Variants in SNX24 observed in about 807,000 individuals in gnomAD.
SNX24 encodes the protein sorting nexin-24.
A neutral mutation model predicts 28.7 loss-of-function variants in SNX24; 22 were observed. That is an observed-to-expected ratio of 0.77 (90% CI 0.55 to 1.10). SNX24 has a LOEUF of 1.10. Among genes scored for constraint, SNX24 ranks in the 50% least tolerant of loss-of-function variants. SNX24 has a pLI of 0.00. For synonymous variants in SNX24, 69 were observed against 71.5 expected (o/e 0.96, Z 0.18); for missense variants, 221 against 201.1 (o/e 1.10, Z -0.60).
At chr5:122,937,714 C>T (rs1759238070) in intron 2 of SNX24, among the ~76,000 whole-genome samples, 1 of 152,040 alleles carries the variant, frequency 6.6e-6, no homozygotes, top group Non-Finnish European at 1.5e-5. Context: ...AGGGATAATC[C>T]ACATCTAGTT....
In SNX24 at chr5:123,008,942, TAGTA is replaced by T; in HGVS notation, c.*1197_*1200del. 1.0e-6 allele frequency: 1 copy of T among 985,572 alleles called. No individual in the cohort carries two copies. The highest frequency in any genetic ancestry group is 1.2e-6 in the Non-Finnish European group (1 of 829,626). The allele number at this position is 985,572 out of a possible 1,614,324, so 61.1% of individuals were successfully genotyped here. A position where few individuals can be genotyped will look rare whatever the true frequency, so the allele number is the denominator to read the frequency against. On this transcript the variant is annotated 3_prime_UTR_variant, in exon 7 of 7. Transcript: ENST00000261369. ...CTAGCCTATTTATGGTTATTCGTTT[TAGTA>T]AGTTCTGTGGGAGCAAGGTATTTAA...
At chr5:122,850,300 G>A (rs1487214462) in intron 1 of SNX24, among the ~76,000 whole-genome samples, 1 of 152,108 alleles carries the variant, frequency 6.6e-6, no homozygotes, top group Non-Finnish European at 1.5e-5. Flanking sequence ...TGTAGAAGTG[G>A]CAAAGATCTC....
At chr5:122,997,001 A>G (rs959221637) in intron 3 of SNX24, among the ~76,000 whole-genome samples, 1 of 152,198 alleles carries the variant, frequency 6.6e-6, no homozygotes, top group Non-Finnish European at 1.5e-5. Flanking sequence ...GAAGTTGTAA[A>G]TGGAACAGTT....
chr5:122,857,049 T>C (rs1416706291), intron 1 of SNX24, among the ~76,000 whole-genome samples: 1 of 152,034 alleles, frequency 6.6e-6, no homozygotes, highest in African/African-American at 2.4e-5. Context: ...TTCGCTCTTA[T>C]TGCCCAGGCT....
chr5:122,938,125 A>G (rs906524086), intron 2 of SNX24, among the ~76,000 whole-genome samples: 3 of 152,230 alleles, frequency 2.0e-5, no homozygotes, highest in African/African-American at 7.2e-5. Context: ...CCGGATACTC[A>G]GGAACCAGCT....
At chr5:122,918,137 G>A (rs944031899) in intron 1 of SNX24, among the ~76,000 whole-genome samples, 4 of 152,150 alleles carry the variant, frequency 2.6e-5, no homozygotes, top group Admixed American at 2.6e-4. Flanking sequence ...GGCTGGGCCT[G>A]GTGGCTCCCA....
At chr5:122,970,487 G>C (rs1760910879) in intron 3 of SNX24, among the ~76,000 whole-genome samples, 1 of 151,502 alleles carries the variant, frequency 6.6e-6, no homozygotes, top group Non-Finnish European at 1.5e-5. Flanking sequence ...TCTTTTTTTT[G>C]AGACGGAGTC....
At chr5:122,998,976 C>T (rs1458183569) in intron 3 of SNX24, among the ~76,000 whole-genome samples, 1 of 151,886 alleles carries the variant, frequency 6.6e-6, no homozygotes, top group Non-Finnish European at 1.5e-5. Flanking sequence ...TGAAAAATGA[C>T]CCTTAAGAAT....
chr5:122,913,417 A>G (rs1164845608), intron 1 of SNX24, among the ~76,000 whole-genome samples: 7 of 148,240 alleles, frequency 4.7e-5, no homozygotes, highest in African/African-American at 1.8e-4. Flanking sequence ...TCCCTCCCGG[A>G]CGGGGCGGCT....
chr5:122,955,860 C>T (rs550382654), intron 3 of SNX24, among the ~76,000 whole-genome samples: 15 of 152,290 alleles, frequency 9.8e-5, no homozygotes, highest in Admixed American at 7.8e-4. Flanking sequence ...ACCCTCTCAT[C>T]GACACCTCAT....
intron 1 of SNX24, among the ~76,000 whole-genome samples, chr5:122,886,596 C>A (rs530326042): frequency 6.6e-6 from 1 of 152,044 alleles, no homozygotes. Context: ...CAGGGAATCA[C>A]GAGGTCAGGA....
At chr5:122,962,742 T>C (rs1464625513) in intron 3 of SNX24, among the ~76,000 whole-genome samples, 1 of 152,230 alleles carries the variant, frequency 6.6e-6, no homozygotes, top group Non-Finnish European at 1.5e-5. Context: ...ATAAAAATAT[T>C]AACTCTAGTG....
chr5:122,893,846 C>T (rs938981970), intron 1 of SNX24, among the ~76,000 whole-genome samples: 5 of 152,070 alleles, frequency 3.3e-5, no homozygotes, highest in Non-Finnish European at 7.4e-5. Flanking sequence ...AGTTCGAGAC[C>T]AGCCTGGCCA....
At chr5:122,898,672 C>G (rs988161865) in intron 1 of SNX24, among the ~76,000 whole-genome samples, 1 of 152,112 alleles carries the variant, frequency 6.6e-6, no homozygotes, top group Admixed American at 6.5e-5. Context: ...AAAATGAAAT[C>G]AAAATAAATA....
Position 122,891,262 on chromosome 5 carries a change from C to G in SNX24, c.61-45472C>G, listed in dbSNP as rs1007075238. On this transcript the variant is annotated intron_variant, in intron 1 of 6. Coordinates refer to ENST00000261369, the MANE Select transcript of SNX24 (RefSeq NM_014035.4). ...CTATTTATTCTAATATCAATGTATT[C>G]TATTTTAAAAATACCGATTGGCAGG... 3.7e-5 allele frequency: 34 copies of G among 928,532 alleles called. No individual in the cohort carries two copies. The African/African-American group carries it at 5.6e-4, about 15-fold the overall frequency. 57.5% of individuals were successfully genotyped at this position (928,532 alleles called of 1,614,324 possible). A position where few individuals can be genotyped will look rare whatever the true frequency, so the allele number is the denominator to read the frequency against.
chr5:122,863,722 A>C (rs1561520379), intron 1 of SNX24, among the ~76,000 whole-genome samples: 1 of 152,000 alleles, frequency 6.6e-6, no homozygotes, highest in East Asian at 1.9e-4. Context: ...CACCTGGCTA[A>C]TTTTTTATTT....
chr5:123,021,392 G>A (rs769823151), intron 5 of SNX24, among the ~76,000 whole-genome samples: 2 of 152,116 alleles, frequency 1.3e-5, no homozygotes, highest in Non-Finnish European at 2.9e-5. Context: ...CCACCCTAAG[G>A]ACTAGAGATG....
chr5:122,858,987 A>G (rs112091748), intron 1 of SNX24, among the ~76,000 whole-genome samples: 11 of 152,274 alleles, frequency 7.2e-5, no homozygotes, highest in Admixed American at 2.6e-4. Flanking sequence ...GACTTAAGCT[A>G]TCCACCTGCC....
intron 1 of SNX24, among the ~76,000 whole-genome samples, chr5:122,865,393 C>T (rs561485850): frequency 8.5e-5 from 13 of 152,308 alleles, no homozygotes; most frequent in African/African-American, 1.7e-4. Context: ...TGCAATGGCA[C>T]GATCTTGGCT....
Sources: allele counts gnomAD v4.1 joint callset (sites outside exome capture counted in the v4.1 genomes callset), GRCh38; gene constraint gnomAD v4.1.1; transcripts MANE v1.5; gene names NCBI Gene and HGNC (gene_info 2026-07-23, HGNC 2026-07-21).